WDR53: variants seen among roughly 807,000 people sequenced by gnomAD.
WDR53 encodes WD repeat domain 53.
WDR53 carries 19 observed loss-of-function variants against 21.3 expected under a neutral mutation model. The ratio of observed to expected loss-of-function variants is 0.89; its 90% CI spans 0.62 to 1.31. WDR53 has a LOEUF of 1.31. WDR53 is among the 50% of genes most tolerant of loss of function. WDR53 has a pLI of 0.00. For missense variants in WDR53, 374 were observed against 423.2 expected (o/e 0.88, Z 1.02); for synonymous variants, 157 against 163.4 (o/e 0.96, Z 0.30).
intron 2 of WDR53, among the ~76,000 whole-genome samples, chr3:196,563,033 G>A (rs966595693): frequency 6.6e-6 from 1 of 151,794 alleles, no homozygotes; most frequent in African/African-American, 2.4e-5. Context: ...TTGCAAAGTC[G>A]GGGTCTCCCT....
intron 2 of WDR53, among the ~76,000 whole-genome samples, 170 bp downstream of exon 2, chr3:196,566,707 C>A (rs1181706009): frequency 6.6e-6 from 1 of 152,196 alleles, no homozygotes; most frequent in Non-Finnish European, 1.5e-5. Flanking sequence ...AGCCACGGCA[C>A]CCGGCCGAGA....
rs575196552 is a variant in WDR53, at chr3:196,566,001, T to C, written c.-17+876A>G. On this transcript the variant is annotated intron_variant, in intron 2 of 3. Transcript: ENST00000332629. Reference sequence around the variant, plus strand: ...TTAAGCACAGCAGTTAATCATATCCTACTGTAAATTACTTTAATTAGATAA... The same window carrying C: ...TTAAGCACAGCAGTTAATCATATCCCACTGTAAATTACTTTAATTAGATAA... 2.6e-5 allele frequency among the ~76,000 whole-genome samples: 4 copies of C among 152,352 alleles called. No individual in the cohort carries two copies. In the East Asian group the frequency reaches 5.8e-4, roughly 22 times the overall value.
Position 196,567,133 on chromosome 3 carries a change from G to A in WDR53, c.-273C>T. 2.2e-6 allele frequency: 1 copy of A among 456,970 alleles called. No homozygotes were observed. The highest frequency in any genetic ancestry group is 4.4e-6 in the Non-Finnish European group (1 of 227,022). The allele number at this position is 456,970 out of a possible 1,614,324, so 28.3% of individuals were successfully genotyped here. Reference sequence around the variant, plus strand: ...TGTCTAGTTCATGATCCCTTTCTCAGATGGATCAACTCTGCTTATCCTTGA... The same window carrying A: ...TGTCTAGTTCATGATCCCTTTCTCAAATGGATCAACTCTGCTTATCCTTGA... On this transcript the variant is annotated 5_prime_UTR_variant, in exon 2 of 4. Transcript: ENST00000332629.
chr3:196,557,180 G>A (rs1286985924), intron 3 of WDR53, among the ~76,000 whole-genome samples: 2 of 152,204 alleles, frequency 1.3e-5, no homozygotes, highest in Admixed American at 1.3e-4. Flanking sequence ...ATAACAAAGT[G>A]ACCTTTCAAA....
intron 1 of WDR53, among the ~76,000 whole-genome samples, chr3:196,567,650 G>A (rs1735539637): frequency 6.8e-6 from 1 of 148,122 alleles, no homozygotes; most frequent in South Asian, 2.1e-4. Context: ...TGGCTCAAAT[G>A]ATGGTTATTA....
chr3:196,561,825 C>T (rs1156925103), intron 2 of WDR53, among the ~76,000 whole-genome samples: 1 of 152,102 alleles, frequency 6.6e-6, no homozygotes, highest in African/African-American at 2.4e-5. Flanking sequence ...AAAGAGAGGG[C>T]TGCAAAATCA....
At chr3:196,555,733 G>C (rs1161249509) in intron 3 of WDR53, among the ~76,000 whole-genome samples, 3 of 152,172 alleles carry the variant, frequency 2.0e-5, no homozygotes, top group African/African-American at 7.2e-5. Context: ...AGCTTGTTTA[G>C]ACAGTGAAAA....
intron 2 of WDR53, among the ~76,000 whole-genome samples, chr3:196,563,823 C>T (rs1377135989): frequency 6.6e-6 from 1 of 152,192 alleles, no homozygotes; most frequent in Non-Finnish European, 1.5e-5. Context: ...CCACCCACTT[C>T]AGCCTCCCAA....
At chr3:196,562,569 G>C (rs759695154) in intron 2 of WDR53, among the ~76,000 whole-genome samples, 17 of 152,254 alleles carry the variant, frequency 1.1e-4, no homozygotes, top group Admixed American at 2.0e-4. Flanking sequence ...GCTGCAATGT[G>C]TTTTAGTAAG....
intron 2 of WDR53, among the ~76,000 whole-genome samples, chr3:196,563,606 C>G (rs902553629): frequency 6.7e-6 from 1 of 148,698 alleles, no homozygotes; most frequent in Admixed American, 6.7e-5. Context: ...GAGTCTTGCT[C>G]TGTCGCCCAG....
At chr3:196,561,601 T>G in intron 2 of WDR53, 110 bp from the exon 3 acceptor site, 2 of 1,145,844 alleles carry the variant, frequency 1.7e-6, no homozygotes, top group Non-Finnish European at 2.3e-6. Flanking sequence ...TAAAAATACA[T>G]CTTAAAAAAA....
At position 196,561,336 on chromosome 3, in the gene WDR53, C is replaced by G; in HGVS notation, c.140G>C (p.Arg47Pro). 2 of 1,614,100 alleles carry G rather than the reference C, an allele frequency of 1.2e-6. No individual in the cohort carries two copies. ...GGTAACATCATCAGCCCCTTGGAAC[C>G]GCGTGTGTCCTAATGGAGTTCCATC... ...GEDGTPLGHT[R>P]FQGADDVTSV... is the part of the protein sequence containing the mutation. Residue 47 changes from arginine (R) to proline (P), a missense_variant, in exon 3 of 4, where the codon CGG (arginine) becomes CCG (proline). Transcript: ENST00000332629.
intron 2 of WDR53, among the ~76,000 whole-genome samples, chr3:196,563,742 T>C (rs1022849468): frequency 2.0e-5 from 3 of 152,292 alleles, no homozygotes; most frequent in African/African-American, 7.2e-5. Flanking sequence ...AGGCTAACTT[T>C]TCCATTTTTA....
intron 3 of WDR53, among the ~76,000 whole-genome samples, chr3:196,556,154 T>C (rs1407472806): frequency 6.6e-6 from 1 of 152,036 alleles, no homozygotes; most frequent in East Asian, 1.9e-4. Context: ...CAAGTGATCC[T>C]TCCACCTCAG....
At chr3:196,555,037 A>C (rs951618499) in intron 3 of WDR53, among the ~76,000 whole-genome samples, 2 of 152,230 alleles carry the variant, frequency 1.3e-5, no homozygotes, top group African/African-American at 2.4e-5. Context: ...GATCCTGAAT[A>C]ATTTTTGATT....
intron 2 of WDR53, among the ~76,000 whole-genome samples, chr3:196,562,659 G>A (rs559972362): frequency 6.6e-6 from 1 of 152,168 alleles, no homozygotes; most frequent in African/African-American, 2.4e-5. Context: ...TGGTGAAAAT[G>A]GCAGGCCCTT....
intron 3 of WDR53, among the ~76,000 whole-genome samples, chr3:196,559,621 C>T (rs1184275301): frequency 6.6e-6 from 1 of 152,158 alleles, no homozygotes; most frequent in African/African-American, 2.4e-5. Flanking sequence ...AACATGGAAT[C>T]TTAGAAGATA....
rs763288265 is a variant in WDR53, at chr3:196,561,015, G to A, written c.461C>T (p.Ser154Leu). Residue 154 changes from serine to leucine, a missense_variant, in exon 3 of 4, where the codon TCA (serine) becomes TTA (leucine). By Grantham distance (145) the Ser-to-Leu change is moderately radical. Transcript: ENST00000332629. Reference sequence around the variant, plus strand: ...CATCACCTGCATATCCAGTCCACATGACACCAGGCTCTGAGGCCTCTGAGG... The same window carrying A: ...CATCACCTGCATATCCAGTCCACATAACACCAGGCTCTGAGGCCTCTGAGG... ...FRPQRPQSLV[S>L]CGLDMQVMLW... 5 of 1,613,706 alleles carry A rather than the reference G, an allele frequency of 3.1e-6. No individual in the cohort carries two copies. In the Admixed American group the frequency reaches 8.3e-5, roughly 27 times the overall value.
intron 2 of WDR53, among the ~76,000 whole-genome samples, chr3:196,562,202 C>T (rs944339333): frequency 1.3e-5 from 2 of 152,154 alleles, no homozygotes; most frequent in Non-Finnish European, 2.9e-5. Flanking sequence ...CAGACCCAAC[C>T]CTAGATCTAC....
Sources: gnomAD v4.1 joint callset for allele counts (sites outside exome capture counted in the v4.1 genomes callset) on GRCh38, gnomAD v4.1.1 for gene constraint, MANE v1.5 for transcripts, NCBI Gene and HGNC (gene_info 2026-07-23, HGNC 2026-07-21) for gene names.